The following TTC6 variants were observed in gnomAD, a reference collection of about 807,000 sequenced individuals.
TTC6 encodes the protein tetratricopeptide repeat protein 6.
In TTC6, 172 loss-of-function variants were observed where a neutral mutation model predicts 210.4. The observed-to-expected ratio is 0.82, with a 90% confidence interval of 0.72 to 0.93. The LOEUF (loss-of-function observed/expected upper bound fraction) is 0.93. Ranked by LOEUF, TTC6 falls within the 40% of genes least tolerant of loss-of-function variation. The pLI, the probability that TTC6 is intolerant of heterozygous loss-of-function variation, is 0.00. For synonymous variants in TTC6, 804 were observed against 819.6 expected (o/e 0.98, Z 0.32); for missense variants, 2,414 against 2,318.1 (o/e 1.04, Z -0.85).
chr14:37,806,616 A>G, intron 22 of TTC6, 106 bp downstream of exon 24: 1 of 1,111,990 alleles, frequency 9.0e-7, no homozygotes, highest in Middle Eastern at 2.9e-4. Flanking sequence ...AGTTTCTTAT[A>G]CCTACTTTTC....
intron 14 of TTC6, among the ~76,000 whole-genome samples, chr14:37,767,748 GT>G (rs2096003868): frequency 6.6e-6 from 1 of 151,522 alleles, no homozygotes; most frequent in Non-Finnish European, 1.5e-5. Flanking sequence ...CATTTTGTAG[GT>G]TGCCTGTTCA....
intron 1 of TTC6, among the ~76,000 whole-genome samples, chr14:37,640,333 T>C (rs552088903): frequency 1.6e-4 from 25 of 152,296 alleles, no homozygotes; most frequent in African/African-American, 5.5e-4. Context: ...TTGGAGGTGA[T>C]CAATTTCTAT....
chr14:37,707,093 T>C (rs1255570146), intron 5 of TTC6, among the ~76,000 whole-genome samples: 1 of 152,088 alleles, frequency 6.6e-6, no homozygotes, highest in Non-Finnish European at 1.5e-5. Flanking sequence ...TTATCTGATA[T>C]CTAATCTTGT....
chr14:37,637,553 C>T (rs1454243190), intron 1 of TTC6, among the ~76,000 whole-genome samples: 3 of 152,004 alleles, frequency 2.0e-5, no homozygotes, highest in East Asian at 1.9e-4. Flanking sequence ...GAGGATCTCT[C>T]GAACCAAAGA....
chr14:37,672,233 C>T (rs1289730204), intron 1 of TTC6, among the ~76,000 whole-genome samples: 1 of 152,082 alleles, frequency 6.6e-6, no homozygotes, highest in Non-Finnish European at 1.5e-5. Flanking sequence ...CATCCCTTGA[C>T]CCAGAACCCA....
At chr14:37,645,627 G>A (rs1220282746) in intron 1 of TTC6, among the ~76,000 whole-genome samples, 1 of 152,164 alleles carries the variant, frequency 6.6e-6, no homozygotes, top group Non-Finnish European at 1.5e-5. Context: ...GGAAGTAAGG[G>A]AACAAGCCAT....
At chr14:37,827,389 C>T in intron 29 of TTC6, 23 bp downstream of exon 31, 1 of 1,607,022 alleles carries the variant, frequency 6.2e-7, no homozygotes, top group Non-Finnish European at 8.5e-7. Context: ...TTACTTAACG[C>T]TTTCTTTTTG....
intron 13 of TTC6, among the ~76,000 whole-genome samples, chr14:37,751,893 G>A (rs997370000): frequency 2.1e-5 from 3 of 142,306 alleles, no homozygotes; most frequent in South Asian, 2.2e-4. Flanking sequence ...GTGCGATCTC[G>A]GCTCACTGCA....
intron 16 of TTC6, among the ~76,000 whole-genome samples, chr14:37,791,850 AT>A (rs773452000): frequency 1.5e-4 from 23 of 152,140 alleles, no homozygotes; most frequent in Non-Finnish European, 2.8e-4. Context: ...CGTGGAGAGG[AT>A]TTTAACCCCA....
intron 1 of TTC6, among the ~76,000 whole-genome samples, chr14:37,640,724 G>A (rs2095690311): frequency 6.6e-6 from 1 of 151,844 alleles, no homozygotes; most frequent in African/African-American, 2.4e-5. Flanking sequence ...TGTATTTTTC[G>A]TAGAGATGGG....
At chr14:37,724,146 A>G (rs1008705989) in intron 6 of TTC6, among the ~76,000 whole-genome samples, 7 of 152,106 alleles carry the variant, frequency 4.6e-5, no homozygotes, top group South Asian at 2.1e-4. Flanking sequence ...TACTTGTTTC[A>G]TGTTTTTTAA....
At chr14:37,828,508 T>C (rs1203410637) in intron 29 of TTC6, among the ~76,000 whole-genome samples, 2 of 152,222 alleles carry the variant, frequency 1.3e-5, no homozygotes, top group Non-Finnish European at 2.9e-5. Flanking sequence ...ACATAAACTT[T>C]ACCATCTCAA....
At chr14:37,836,748 C>A (rs1482185862) in intron 29 of TTC6, among the ~76,000 whole-genome samples, 22 of 152,086 alleles carry the variant, frequency 1.4e-4, no homozygotes, top group Admixed American at 8.5e-4. Flanking sequence ...GGCTTCTATT[C>A]CCTGTCACCC....
chr14:37,817,628 C>G, exon 26 of TTC6: 1 of 1,613,994 alleles, frequency 6.2e-7, no homozygotes, highest in South Asian at 1.1e-5. Flanking sequence ...GCCTTTGTCA[C>G]GCCACTGCCA....
intron 1 of TTC6, among the ~76,000 whole-genome samples, chr14:37,631,243 T>C (rs1183015729): frequency 1.3e-5 from 2 of 152,178 alleles, no homozygotes; most frequent in Non-Finnish European, 2.9e-5. Context: ...TTGCAGTGGC[T>C]GGTACTGGCT....
Position 37,626,499 on chromosome 14 carries a change from A to G in TTC6, c.939+3496A>G, listed in dbSNP as rs1016903644. On this transcript the variant is annotated intron_variant, in intron 1 of 30. Coordinates refer to ENST00000553443, the Ensembl canonical transcript of TTC6. ...TTATGTTTGCCTCGGGGAAGATGAA[A>G]TAGATATCCTTTTTCTCTATTCTTC... 2.0e-5 allele frequency among the ~76,000 whole-genome samples: 3 copies of G among 152,204 alleles called. No individual in the cohort carries two copies. The East Asian group carries it at 5.8e-4, about 29-fold the overall frequency.
At chr14:37,828,119 T>C (rs1347676086) in intron 29 of TTC6, among the ~76,000 whole-genome samples, 1 of 152,120 alleles carries the variant, frequency 6.6e-6, no homozygotes, top group Non-Finnish European at 1.5e-5. Flanking sequence ...GGATTTTAGT[T>C]CTGGTTTTGT....
chr14:37,735,809 G>A (rs947312180), intron 7 of TTC6, 112 bp from the exon 10 acceptor site: 2 of 592,508 alleles, frequency 3.4e-6, no homozygotes, highest in African/African-American at 1.9e-5. Context: ...ACTTTCATAT[G>A]TTTTCTCTTT....
At chr14:37,822,802 T>C (rs998648930) in intron 26 of TTC6, among the ~76,000 whole-genome samples, 2 of 152,206 alleles carry the variant, frequency 1.3e-5, no homozygotes, top group Non-Finnish European at 2.9e-5. Context: ...ATTTTCTCTG[T>C]GCAAGCATAG....
Sources: allele counts gnomAD v4.1 joint callset (sites outside exome capture counted in the v4.1 genomes callset), GRCh38; gene constraint gnomAD v4.1.1; transcripts MANE v1.5; gene names NCBI Gene and HGNC (gene_info 2026-07-23, HGNC 2026-07-21).